The following SLC45A4 variants were observed in gnomAD, a reference collection of about 807,000 sequenced individuals.
SLC45A4 encodes the protein solute carrier family 45 member 4.
In SLC45A4, 32 loss-of-function variants were observed where a neutral mutation model predicts 63.7. The ratio of observed to expected loss-of-function variants is 0.50; its 90% CI spans 0.38 to 0.67. The LOEUF (loss-of-function observed/expected upper bound fraction) is 0.67, where lower values mean the gene tolerates loss of function less well. Ranked by LOEUF, SLC45A4 falls within the 30% of genes least tolerant of loss-of-function variation. SLC45A4 has a pLI of 0.00. For synonymous variants in SLC45A4, 535 were observed against 510.0 expected (o/e 1.05, Z -0.66); for missense variants, 1,027 against 1,157.7 (o/e 0.89, Z 1.64).
At chr8:141,240,626 C>A (rs1005718595) in intron 2 of SLC45A4, among the ~76,000 whole-genome samples, 1 of 152,152 alleles carries the variant, frequency 6.6e-6, no homozygotes, top group African/African-American at 2.4e-5. Context: ...GTTGTCCCAG[C>A]ACTTGGGGAG....
At position 141,303,310 on chromosome 8, in the gene SLC45A4, T is replaced by G. The variant is rs534138263; in HGVS notation, c.-401+4786A>C. On this transcript the variant is annotated intron_variant, in intron 1 of 8. Coordinates refer to ENST00000517878, the MANE Select transcript of SLC45A4 (RefSeq NM_001286646.2). ...TCGTGCCCGGCTAATTTTTGTTTTT[T>G]TTTTTTTTTTGGACAGGTGGGGTTT... Among the ~76,000 whole-genome samples, 138 of 150,928 alleles carry G rather than the reference T, an allele frequency of 9.1e-4. 4 individuals carry two copies. Among genetic ancestry groups the G allele is most frequent in the Admixed American group, 8.2e-3 (125 of 15,176 alleles).
At chr8:141,286,859 C>T (rs987408102) in intron 1 of SLC45A4, among the ~76,000 whole-genome samples, 11 of 151,698 alleles carry the variant, frequency 7.3e-5, no homozygotes, top group Non-Finnish European at 1.2e-4. Context: ...CTACTTTAAA[C>T]CTTACAACGA....
chr8:141,266,754 T>C (rs1023697201), intron 1 of SLC45A4, among the ~76,000 whole-genome samples: 4 of 152,150 alleles, frequency 2.6e-5, no homozygotes, highest in African/African-American at 9.7e-5. Flanking sequence ...CCTCCCCACA[T>C]GTATTCAGTG....
At chr8:141,304,038 A>T (rs1212887036) in intron 1 of SLC45A4, among the ~76,000 whole-genome samples, 1 of 151,488 alleles carries the variant, frequency 6.6e-6, no homozygotes, top group Non-Finnish European at 1.5e-5. Flanking sequence ...AGACTCTGAG[A>T]GTGAACTTGT....
Position 141,212,230 on chromosome 8 carries a change from C to A in SLC45A4, c.2268G>T (p.Glu756Asp). 6.4e-7 allele frequency: 1 copy of A among 1,554,854 alleles called. No homozygotes were observed. Among genetic ancestry groups the A allele is most frequent in the African/African-American group, 1.4e-5 (1 of 73,474 alleles). The change falls in exon 8 of 9, where the codon GAG becomes GAT. Residue 756 changes from glutamate (E) to aspartate (D), a missense_variant. Physicochemically the swap from Glu to Asp is conservative, Grantham distance 45. Coordinates refer to ENST00000517878, the MANE Select transcript of SLC45A4 (RefSeq NM_001286646.2). ...CTGTCTCCACCGGTCCCTGCAGGCCCTCCTTCCGCGTGAGCTTCAGCACGG... is the reference window on the plus strand; with the variant it reads ...CTGTCTCCACCGGTCCCTGCAGGCCATCCTTCCGCGTGAGCTTCAGCACGG... ...KPTVLKLTRK[E>D]GLQGPVETES...
intron 1 of SLC45A4, among the ~76,000 whole-genome samples, chr8:141,297,281 C>T (rs932107594): frequency 3.9e-5 from 6 of 151,928 alleles, no homozygotes; most frequent in African/African-American, 1.2e-4. Flanking sequence ...CGGTGGGCGC[C>T]GGGCACTCTG....
At chr8:141,299,411 C>T (rs1830670638) in intron 1 of SLC45A4, among the ~76,000 whole-genome samples, 1 of 152,254 alleles carries the variant, frequency 6.6e-6, no homozygotes, top group Non-Finnish European at 1.5e-5. Context: ...AGGGAGACAC[C>T]TGTCACACTA....
intron 2 of SLC45A4, among the ~76,000 whole-genome samples, chr8:141,243,695 G>A (rs1421980131): frequency 2.6e-5 from 4 of 151,964 alleles, no homozygotes; most frequent in South Asian, 2.1e-4. Flanking sequence ...GAACTGTACC[G>A]TCCATTTACA....
At chr8:141,288,782 T>C (rs530381896) in intron 1 of SLC45A4, among the ~76,000 whole-genome samples, 1 of 152,214 alleles carries the variant, frequency 6.6e-6, no homozygotes, top group Non-Finnish European at 1.5e-5. Context: ...GGCTACTTCA[T>C]GCAGAGCCAC....
chr8:141,277,610 A>T (rs889653461), intron 1 of SLC45A4, among the ~76,000 whole-genome samples: 1 of 145,466 alleles, frequency 6.9e-6, no homozygotes, highest in Non-Finnish European at 1.5e-5. Flanking sequence ...TTTTACTCTT[A>T]AAAAAAAAAA....
rs540419042 is a variant in SLC45A4, at chr8:141,297,560, T to C, written c.-401+10536A>G. Among the ~76,000 whole-genome samples, 389 of 152,342 alleles carry C rather than the reference T, an allele frequency of 2.6e-3. 1 individual carries two copies. Among genetic ancestry groups the C allele is most frequent in the Middle Eastern group, 0.01 (3 of 294 alleles). On this transcript the variant is annotated intron_variant, in intron 1 of 8. Coordinates refer to ENST00000517878, the MANE Select transcript of SLC45A4 (RefSeq NM_001286646.2). The stretch of plus-strand genomic sequence containing the variant: ...AACTTAATCAAAAACCTATCTGAAC[T>C]TTACAACCACAAACTGGCACCAGCC...
chr8:141,277,791 C>T (rs1829787003), intron 1 of SLC45A4, among the ~76,000 whole-genome samples: 1 of 152,154 alleles, frequency 6.6e-6, no homozygotes, highest in African/African-American at 2.4e-5. Flanking sequence ...AGGCGCCCAC[C>T]ACCACGCCCG....
chr8:141,305,118 A>G (rs750246448), intron 1 of SLC45A4, among the ~76,000 whole-genome samples: 1 of 152,194 alleles, frequency 6.6e-6, no homozygotes, highest in Non-Finnish European at 1.5e-5. Context: ...AAAGCTTAGC[A>G]TTTGATACTC....
In SLC45A4 at chr8:141,280,979, G is replaced by A. The variant is rs917834558; in HGVS notation, c.-400-26350C>T. Among the ~76,000 whole-genome samples the A allele has an allele frequency of 2.0e-5, 3 of 152,206 alleles. No homozygotes were observed. In the South Asian group the frequency reaches 6.2e-4, roughly 31 times the overall value. On this transcript the variant is annotated intron_variant, in intron 1 of 8. Transcript: ENST00000517878. The stretch of plus-strand genomic sequence containing the variant: ...GCACATTTTCCTACTCAAAGACAAC[G>A]GAGTCCAGGCATCCTCTCAGCATCG...
intron 1 of SLC45A4, among the ~76,000 whole-genome samples, chr8:141,262,376 TTAAAC>T (rs1371808160): frequency 3.4e-5 from 5 of 147,268 alleles, no homozygotes; most frequent in Admixed American, 3.4e-4. Context: ...TGGGATCTAA[TTAAAC>T]TAAAGAGCTT....
intron 1 of SLC45A4, among the ~76,000 whole-genome samples, chr8:141,276,053 C>T (rs1029209522): frequency 4.6e-5 from 7 of 151,986 alleles, no homozygotes; most frequent in African/African-American, 1.7e-4. Flanking sequence ...GCTAGGACTA[C>T]AGGTATATGG....
At chr8:141,228,279 C>T (rs1029865393) in intron 2 of SLC45A4, 2 of 1,612,740 alleles carry the variant, frequency 1.2e-6, no homozygotes, top group Non-Finnish European at 1.7e-6. Context: ...ATGATGCTGT[C>T]CCTGCCGCCC....
At chr8:141,228,357 T>C (rs1827153147) in intron 2 of SLC45A4, 11 of 1,572,628 alleles carry the variant, frequency 7.0e-6, no homozygotes, top group Admixed American at 5.2e-5. Context: ...GAGGGGCGCC[T>C]CAACAGCCTG....
chr8:141,211,863 T>C (rs1198428420), intron 8 of SLC45A4, 166 bp from the exon 9 acceptor site: 4 of 1,261,888 alleles, frequency 3.2e-6, no homozygotes, highest in Non-Finnish European at 4.0e-6. Flanking sequence ...TATATAAATG[T>C]TTTATATCAT....
Sources: gnomAD v4.1 joint callset for allele counts (sites outside exome capture counted in the v4.1 genomes callset) on GRCh38, gnomAD v4.1.1 for gene constraint, MANE v1.5 for transcripts, NCBI Gene and HGNC (gene_info 2026-07-23, HGNC 2026-07-21) for gene names.